The following MPRIP variants were observed in gnomAD, a reference collection of about 807,000 sequenced individuals.
MPRIP encodes the protein myosin phosphatase Rho-interacting protein.
MPRIP carries 59 observed loss-of-function variants against 234.9 expected under a neutral mutation model. The observed-to-expected ratio is 0.25, with a 90% CI of 0.20 to 0.31. The LOEUF is 0.31. Among genes scored for constraint, MPRIP ranks in the 10% least tolerant of loss-of-function variants. The pLI is 1.00. For missense variants in MPRIP, 2,436 were observed against 3,071.0 expected, an observed-to-expected ratio of 0.79 and a Z score of 4.89; for synonymous variants, 1,144 against 1,263.9, an observed-to-expected ratio of 0.91 and a Z score of 2.01.
rs755906793 is a variant in MPRIP, at chr17:17,185,939, A to G, written c.*1045A>G. 3 of 157,778 alleles carry G rather than the reference A, an allele frequency of 1.9e-5. No homozygotes were observed. In the Admixed American group the frequency reaches 1.9e-4, roughly 10 times the overall value. The allele number at this position is 157,778 out of a possible 1,614,324, so 9.8% of individuals were successfully genotyped here. On this transcript the variant is annotated 3_prime_UTR_variant, in exon 24 of 24. Coordinates refer to ENST00000651222, the MANE Select transcript of MPRIP (RefSeq NM_001364716.4). Reference sequence around the variant, plus strand: ...TCTGAGCTCTGAAAACCTATCTTGCAGCATTTATCTTTAAAAGAGCCTGGT... The same window carrying G: ...TCTGAGCTCTGAAAACCTATCTTGCGGCATTTATCTTTAAAAGAGCCTGGT...
Position 17,177,429 on chromosome 17 carries a change from T to C in MPRIP, c.7120+17T>C, listed in dbSNP as rs757758753. On this transcript the variant is annotated intron_variant, in intron 22 of 23. Transcript: ENST00000651222. The stretch of plus-strand genomic sequence containing the variant: ...CCGGATATGGTGCGTCCTCGGGTCA[T>C]GCCCTCTCGGTTATTGCTGGGGGGC... The C allele has an allele frequency of 3.1e-6, 5 of 1,608,992 alleles. No individual in the cohort carries two copies. In the African/African-American group the frequency reaches 5.3e-5, roughly 17 times the overall value.
At chr17:17,094,015 C>T (rs1344627297) in intron 3 of MPRIP, among the ~76,000 whole-genome samples, 1 of 152,224 alleles carries the variant, frequency 6.6e-6, no homozygotes, top group Non-Finnish European at 1.5e-5. Flanking sequence ...CATAGCTCTC[C>T]ATCTGGGCTT....
In MPRIP at chr17:17,154,457, T is replaced by G. The variant is rs547496870; in HGVS notation, c.1829+42T>G. 22 of 1,555,618 alleles carry G rather than the reference T, an allele frequency of 1.4e-5. No individual in the cohort carries two copies. In the South Asian group the frequency reaches 2.3e-4, roughly 17 times the overall value. On this transcript the variant is annotated intron_variant, in intron 13 of 23. Transcript: ENST00000651222. ...ACCAGGGAGCCCTTTGTGCCTCTTG[T>G]GGGTGCCACTCCCGCCAGGGCAGTG...
intron 13 of MPRIP, 99 bp from the exon 14 acceptor site, chr17:17,158,333 T>G (rs1302089297): frequency 1.0e-6 from 1 of 989,554 alleles, no homozygotes. Flanking sequence ...GATGTGGTGC[T>G]CACAGGGGCT....
At chr17:17,159,963 A>G (rs571518143) in intron 14 of MPRIP, among the ~76,000 whole-genome samples, 53 of 152,388 alleles carry the variant, frequency 3.5e-4, no homozygotes, top group African/African-American at 1.3e-3. Context: ...AACAAAGGCA[A>G]GATGAAATAA....
intron 11 of MPRIP, chr17:17,149,918 C>A: frequency 2.4e-6 from 1 of 424,104 alleles, no homozygotes; most frequent in Admixed American, 4.2e-5. Flanking sequence ...GTTTGAGGAC[C>A]ACTGGCGTGG....
intron 1 of MPRIP, among the ~76,000 whole-genome samples, chr17:17,060,992 G>A (rs1435817781): frequency 6.6e-6 from 1 of 152,232 alleles, no homozygotes; most frequent in African/African-American, 2.4e-5. Flanking sequence ...GGTGACCAGT[G>A]TTCGTCGGCC....
intron 1 of MPRIP, among the ~76,000 whole-genome samples, chr17:17,072,794 TCATGGCCC>T (rs2089229010): frequency 1.3e-5 from 2 of 152,118 alleles, no homozygotes; most frequent in African/African-American, 4.8e-5. Flanking sequence ...AGATGGCTCC[TCATGGCCC>T]CATGGCGCCA....
chr17:17,146,137 G>A, intron 10 of MPRIP, 45 bp downstream of exon 10: 1 of 1,560,376 alleles, frequency 6.4e-7, no homozygotes. Flanking sequence ...TCTGGGGACA[G>A]GGTGAGGGTG....
At chr17:17,174,528 T>C (rs796310722) in intron 19 of MPRIP, among the ~76,000 whole-genome samples, 35 of 152,248 alleles carry the variant, frequency 2.3e-4, no homozygotes, top group African/African-American at 5.3e-4. Flanking sequence ...TTTTGTCAGA[T>C]TTTTTTTCTT....
At chr17:17,142,051 T>A (rs2045335277) in intron 7 of MPRIP, 1 of 154,308 alleles carries the variant, frequency 6.5e-6, no homozygotes, top group South Asian at 2.0e-4. Context: ...TGGGTGGCGC[T>A]GCGCCTCCTC....
intron 1 of MPRIP, among the ~76,000 whole-genome samples, chr17:17,063,108 T>C (rs1247336036): frequency 6.6e-6 from 1 of 152,246 alleles, no homozygotes; most frequent in Non-Finnish European, 1.5e-5. Flanking sequence ...TGACCAGCGT[T>C]GTCCTAGTGA....
At chr17:17,088,179 G>A (rs887207156) in intron 3 of MPRIP, among the ~76,000 whole-genome samples, 1 of 152,188 alleles carries the variant, frequency 6.6e-6, no homozygotes, top group Non-Finnish European at 1.5e-5. Context: ...TGATGGGAGC[G>A]GCGAGAGCTG....
intron 14 of MPRIP, among the ~76,000 whole-genome samples, chr17:17,160,146 A>T (rs1423336041): frequency 1.3e-5 from 2 of 152,102 alleles, no homozygotes; most frequent in Non-Finnish European, 2.9e-5. Context: ...AGGCGGGCGG[A>T]TCACAAGGTC....
At chr17:17,121,872 C>G (rs1356356183) in intron 3 of MPRIP, among the ~76,000 whole-genome samples, 2 of 152,150 alleles carry the variant, frequency 1.3e-5, no homozygotes, top group Admixed American at 1.3e-4. Flanking sequence ...TCTATATGTT[C>G]TCATCATTTA....
rs116500313 is a variant in MPRIP, at chr17:17,075,844, G to A, written c.201+57G>A. On this transcript the variant is annotated intron_variant, in intron 2 of 23. Transcript: ENST00000651222. Reference sequence around the variant, plus strand: ...AACCAGAGAAGGGACCCATCTAAGGGTGAACTGGCAGAGTGGAAGAGGGAG... The same window carrying A: ...AACCAGAGAAGGGACCCATCTAAGGATGAACTGGCAGAGTGGAAGAGGGAG... The A allele has an allele frequency of 3.5e-4, 530 of 1,534,908 alleles. No homozygotes were observed. In the African/African-American group the frequency reaches 6.5e-3, roughly 19 times the overall value.
rs1173219998 is a variant in MPRIP at position 17,192,024 on chromosome 17, C to CA, written c.*7131dup. 6 of 152,226 alleles carry CA rather than the reference C, an allele frequency of 3.9e-5. No homozygotes were observed. The highest frequency in any genetic ancestry group is 1.4e-4 in the African/African-American group (6 of 41,542). The allele number at this position is 152,226 out of a possible 1,614,324, so 9.4% of individuals were successfully genotyped here. On this transcript the variant is annotated 3_prime_UTR_variant, in exon 24 of 24. Coordinates refer to ENST00000651222, the MANE Select transcript of MPRIP (RefSeq NM_001364716.4). ...AATTACAATTCTTAATGATTTTTCT[C>CA]ACAGCTGTGCCCTTCTGTCAGGGTC... is the stretch of plus-strand genomic sequence containing the variant.
chr17:17,090,162 C>T (rs2089681714), intron 3 of MPRIP, among the ~76,000 whole-genome samples: 2 of 152,036 alleles, frequency 1.3e-5, no homozygotes, highest in East Asian at 1.9e-4. Context: ...CCTTGGGGCA[C>T]GAAGGTGAAG....
chr17:17,190,788 T>C lies in MPRIP; in HGVS notation c.*5894T>C, dbSNP rs555342110. 5 of 152,360 alleles carry C rather than the reference T, an allele frequency of 3.3e-5. No individual in the cohort carries two copies. The highest frequency in any genetic ancestry group is 9.6e-5 in the African/African-American group (4 of 41,590). 9.4% of individuals were successfully genotyped at this position (152,360 alleles called of 1,614,324 possible). A position where few individuals can be genotyped will look rare whatever the true frequency, so the allele number is the denominator to read the frequency against. On this transcript the variant is annotated 3_prime_UTR_variant, in exon 24 of 24. Transcript: ENST00000651222. ...GGGTCCGAGTCCTTAGGTGTTCGGA[T>C]GCAGTACTTTGTGAATACTTAAGCT...
Sources: allele counts gnomAD v4.1 joint callset (sites outside exome capture counted in the v4.1 genomes callset), GRCh38; gene constraint gnomAD v4.1.1; transcripts MANE v1.5; gene names NCBI Gene and HGNC (gene_info 2026-07-23, HGNC 2026-07-21).